The following PPP2R2B variants were observed in gnomAD, a reference collection of about 807,000 sequenced individuals.
PPP2R2B encodes serine/threonine-protein phosphatase 2A 55 kDa regulatory subunit B beta isoform.
PPP2R2B carries 5 observed loss-of-function variants against 46.0 expected under a neutral mutation model. The observed-to-expected ratio is 0.11, with a 90% CI of 0.06 to 0.23. The LOEUF (loss-of-function observed/expected upper bound fraction) is 0.23. Among genes scored for constraint, PPP2R2B ranks in the 10% least tolerant of loss-of-function variants. The pLI is 1.00. For missense variants in PPP2R2B, 367 were observed against 575.0 expected (o/e 0.64, Z 3.70); for synonymous variants, 215 against 206.7 (o/e 1.04, Z -0.34).
chr5:146,768,079 CTT>C (rs139475418), intron 2 of PPP2R2B, among the ~76,000 whole-genome samples: 5 of 144,888 alleles, frequency 3.5e-5, no homozygotes, highest in Admixed American at 6.9e-5. Context: ...AATTGGTTTT[CTT>C]TTTTTTTTTT....
At chr5:146,731,644 A>G (rs913765799) in intron 2 of PPP2R2B, among the ~76,000 whole-genome samples, 5 of 152,136 alleles carry the variant, frequency 3.3e-5, no homozygotes, top group African/African-American at 1.2e-4. Context: ...AGTCACCCTC[A>G]TTCTCAATTT....
At chr5:146,616,989 G>A (rs1010419792) in intron 7 of PPP2R2B, 4 of 152,272 alleles carry the variant, frequency 2.6e-5, no homozygotes, top group African/African-American at 9.7e-5. Context: ...ACCAACTGAT[G>A]AATGGATAAA....
chr5:146,597,531 T>C (rs1771298258), intron 8 of PPP2R2B, among the ~76,000 whole-genome samples: 1 of 152,204 alleles, frequency 6.6e-6, no homozygotes, highest in Non-Finnish European at 1.5e-5. Context: ...CTTTCCATTG[T>C]ACTCATTTGG....
chr5:146,883,220 T>C (rs1295373310), upstream of PPP2R2B, among the ~76,000 whole-genome samples: 1 of 152,172 alleles, frequency 6.6e-6, no homozygotes, highest in African/African-American at 2.4e-5. Context: ...ATTTGCAAAA[T>C]GGAAGAAAAC....
chr5:146,846,834 T>G (rs1760042006), intron 2 of PPP2R2B, among the ~76,000 whole-genome samples: 1 of 152,228 alleles, frequency 6.6e-6, no homozygotes, highest in African/African-American at 2.4e-5. Context: ...AATCTGATTT[T>G]AATGCTTATG....
intron 1 of PPP2R2B, among the ~76,000 whole-genome samples, chr5:146,983,545 AG>A (rs1753284511): frequency 6.6e-6 from 1 of 152,138 alleles, no homozygotes; most frequent in Admixed American, 6.5e-5. Context: ...TATAAACAAA[AG>A]TTATCACACT....
chr5:146,999,806 T>C (rs1196238978), intron 1 of PPP2R2B, among the ~76,000 whole-genome samples: 1 of 152,194 alleles, frequency 6.6e-6, no homozygotes, highest in Non-Finnish European at 1.5e-5. Flanking sequence ...GATGTGCTGC[T>C]AACATGTCCC....
intron 2 of PPP2R2B, among the ~76,000 whole-genome samples, chr5:146,713,251 A>C (rs1308589427): frequency 6.6e-6 from 1 of 152,156 alleles, no homozygotes; most frequent in East Asian, 1.9e-4. Context: ...CTAAGAGGGA[A>C]ATGAACATGT....
chr5:147,068,125 G>C (rs529308885), intron 2 of PPP2R2B, among the ~76,000 whole-genome samples: 1 of 152,214 alleles, frequency 6.6e-6, no homozygotes, highest in South Asian at 2.1e-4. Context: ...GTAGAATGAT[G>C]AGTCATTTTT....
rs138283720 is a variant in PPP2R2B, at chr5:147,036,591, A to G, written c.79+19074T>C. Among the ~76,000 whole-genome samples the G allele has an allele frequency of 9.0e-3, 1,372 of 152,328 alleles. 21 individuals are homozygous for G. Among genetic ancestry groups the G allele is most frequent in the African/African-American group, 0.032 (1,311 of 41,572 alleles). On this transcript the variant is annotated intron_variant, in intron 1 of 8. Coordinates refer to the PPP2R2B transcript ENST00000336640. ...TTCTAAGACTTTGAGGAATTGCCACACTGTCTTCCACAATGGTTGAACTAG... is the reference window on the plus strand; with the variant it reads ...TTCTAAGACTTTGAGGAATTGCCACGCTGTCTTCCACAATGGTTGAACTAG...
chr5:147,031,446 T>C (rs1193846613), intron 1 of PPP2R2B, among the ~76,000 whole-genome samples: 2 of 151,032 alleles, frequency 1.3e-5, no homozygotes, highest in Non-Finnish European at 2.9e-5. Flanking sequence ...GTTTTCTTTT[T>C]AGCAGTTCTA....
intron 2 of PPP2R2B, among the ~76,000 whole-genome samples, chr5:146,830,651 T>G (rs2151349407): frequency 6.6e-6 from 1 of 152,174 alleles, no homozygotes; most frequent in Admixed American, 6.5e-5. Context: ...TTTTGTATTT[T>G]TAGTACAGAT....
intron 1 of PPP2R2B, chr5:147,035,186 G>A (rs1273178638): frequency 4.5e-6 from 2 of 448,852 alleles, no homozygotes; most frequent in South Asian, 3.2e-5. Context: ...CATGGCTGGG[G>A]AGGTCTCAGG....
At chr5:146,672,955 A>G (rs1163587304) in intron 5 of PPP2R2B, among the ~76,000 whole-genome samples, 1 of 152,194 alleles carries the variant, frequency 6.6e-6, no homozygotes, top group Non-Finnish European at 1.5e-5. Flanking sequence ...ATAGGGAGGC[A>G]TTTTTATTTT....
chr5:147,007,283 G>C lies in PPP2R2B; in HGVS notation c.79+48382C>G, dbSNP rs548708779. ...AGCAGTTGGGGTGTCCTGTTTAGAG[G>C]GGGGATTGAGAGGTGAAGCCAGCTG... On this transcript the variant is annotated intron_variant, in intron 1 of 8. Coordinates refer to the PPP2R2B transcript ENST00000336640. Among the ~76,000 whole-genome samples, 14 of 152,246 alleles carry C rather than the reference G, an allele frequency of 9.2e-5. No homozygotes were observed. In the East Asian group the frequency reaches 2.5e-3, roughly 27 times the overall value.
intron 1 of PPP2R2B, among the ~76,000 whole-genome samples, chr5:146,975,277 G>A (rs1041993395): frequency 6.6e-6 from 1 of 151,966 alleles, no homozygotes; most frequent in African/African-American, 2.4e-5. Flanking sequence ...TTTTGTCATT[G>A]GTTTATTTTG....
chr5:147,066,756 T>C (rs1240149864), intron 2 of PPP2R2B, among the ~76,000 whole-genome samples: 25 of 152,160 alleles, frequency 1.6e-4, no homozygotes, highest in Non-Finnish European at 3.2e-4. Context: ...TTTTTTTTTG[T>C]ATCATCAAGC....
At chr5:146,992,267 G>A (rs1472549663) in intron 1 of PPP2R2B, among the ~76,000 whole-genome samples, 1 of 152,286 alleles carries the variant, frequency 6.6e-6, no homozygotes, top group Admixed American at 6.5e-5. Context: ...AATGGGAAAA[G>A]GATAGTCTCT....
At chr5:146,936,803 A>T (rs959955744) in intron 1 of PPP2R2B, among the ~76,000 whole-genome samples, 5 of 151,804 alleles carry the variant, frequency 3.3e-5, no homozygotes, top group African/African-American at 1.2e-4. Context: ...GAAATAAAAG[A>T]CATACTCTAA....
Sources: allele counts gnomAD v4.1 joint callset (sites outside exome capture counted in the v4.1 genomes callset), GRCh38; gene constraint gnomAD v4.1.1; transcripts MANE v1.5; gene names NCBI Gene and HGNC (gene_info 2026-07-23, HGNC 2026-07-21).